Variants in SETMAR observed in about 807,000 individuals in gnomAD.
SETMAR encodes SET and mariner transposase domain methyltransferase, also known as histone-lysine N-methyltransferase SETMAR.
Under a neutral mutation model 58.4 loss-of-function variants are expected in SETMAR, and 44 were observed. The ratio of observed to expected loss-of-function variants is 0.75; its 90% CI spans 0.59 to 0.97. The LOEUF (loss-of-function observed/expected upper bound fraction) is 0.97. Among genes scored for constraint, SETMAR ranks in the 50% least tolerant of loss-of-function variants. The pLI is 0.00. For synonymous variants in SETMAR, 332 were observed against 307.4 expected (o/e 1.08, Z -0.84); for missense variants, 903 against 840.2 (o/e 1.07, Z -0.92).
chr3:4,303,551 G>T, intron 1 of SETMAR, 25 bp downstream of exon 1: 2 of 1,343,974 alleles, frequency 1.5e-6, no homozygotes, highest in Non-Finnish European at 1.9e-6. Flanking sequence ...AGGCGGCGCG[G>T]GAGGCGGGCG....
chr3:4,308,733 A>C (rs1237524106), intron 1 of SETMAR, among the ~76,000 whole-genome samples: 2 of 152,212 alleles, frequency 1.3e-5, no homozygotes, highest in Non-Finnish European at 2.9e-5. Context: ...GACCATAGTC[A>C]CAGAGTTTTC....
chr3:4,311,993 T>G (rs1449076406), intron 1 of SETMAR, among the ~76,000 whole-genome samples: 1 of 152,212 alleles, frequency 6.6e-6, no homozygotes, highest in Non-Finnish European at 1.5e-5. Flanking sequence ...ATTGTCTTCT[T>G]TTTATATAAC....
intron 1 of SETMAR, among the ~76,000 whole-genome samples, chr3:4,305,006 T>C (rs923349537): frequency 6.6e-6 from 1 of 152,032 alleles, no homozygotes; most frequent in African/African-American, 2.4e-5. Flanking sequence ...TAGATTTTAA[T>C]TTTTCTGGTT....
At chr3:4,311,050 A>G (rs1698386259) in intron 1 of SETMAR, among the ~76,000 whole-genome samples, 1 of 152,164 alleles carries the variant, frequency 6.6e-6, no homozygotes, top group African/African-American at 2.4e-5. Flanking sequence ...TATTCCTGCT[A>G]AGCTAAAGCT....
intron 2 of SETMAR, among the ~76,000 whole-genome samples, chr3:4,315,199 C>T (rs1698587492): frequency 6.6e-6 from 1 of 152,152 alleles, no homozygotes; most frequent in South Asian, 2.1e-4. Flanking sequence ...ACTTCAATGC[C>T]TCTGAAGCAG....
chr3:4,316,710 C>T lies in SETMAR; in HGVS notation c.1519C>T (p.Arg507Ter), dbSNP rs760559216. The T allele has an allele frequency of 4.6e-5, 72 of 1,550,880 alleles. No homozygotes were observed. The highest frequency in any genetic ancestry group is 7.3e-5 in the East Asian group (3 of 40,930). Reference sequence around the variant, plus strand: ...GTGGATTTTATATGACAACCGGCGACGATCAGCTCAGTGGTTGGATCAAGA... The same window carrying T: ...GTGGATTTTATATGACAACCGGCGATGATCAGCTCAGTGGTTGGATCAAGA... ...EKWILYDNRR[R>*]SAQWLDQEEA... The change falls in exon 3 of 3, where the codon CGA becomes TGA. Residue 507 changes from arginine to a stop codon, truncating the protein, a stop_gained. Transcript: ENST00000358065. LOFTEE classifies it high-confidence loss of function.
intron 1 of SETMAR, among the ~76,000 whole-genome samples, chr3:4,304,900 AGAG>A: frequency 6.6e-6 from 1 of 151,860 alleles, no homozygotes; most frequent in Non-Finnish European, 1.5e-5. Context: ...TGTTTGGGAG[AGAG>A]GAGACGTCAA....
intron 1 of SETMAR, 140 bp from the exon 2 acceptor site, chr3:4,312,758 C>G: frequency 2.7e-6 from 2 of 730,044 alleles, no homozygotes; most frequent in Non-Finnish European, 3.9e-6. Context: ...TGGACAATAT[C>G]TTAGTATGCT....
At chr3:4,304,245 G>A (rs563748135) in intron 1 of SETMAR, among the ~76,000 whole-genome samples, 35 of 152,132 alleles carry the variant, frequency 2.3e-4, no homozygotes, top group Admixed American at 9.8e-4. Context: ...GGGTTCAAGC[G>A]ATTCTCCTGC....
chr3:4,307,452 C>T (rs1698235682), intron 1 of SETMAR, among the ~76,000 whole-genome samples: 1 of 152,148 alleles, frequency 6.6e-6, no homozygotes, highest in African/African-American at 2.4e-5. Flanking sequence ...GAGAGCCCTA[C>T]AATCTGTGTC....
intron 2 of SETMAR, among the ~76,000 whole-genome samples, 166 bp from the exon 3 acceptor site, chr3:4,316,046 C>CA (rs774059331): frequency 0.014 from 1,067 of 76,306 alleles, 12 homozygotes; most frequent in East Asian, 0.054. Flanking sequence ...GACTCTGTCT[C>CA]AAAAAAAAAA....
Position 4,303,472 on chromosome 3 carries a change from G to C in SETMAR, c.102G>C (p.Gln34His), listed in dbSNP as rs1339788497. The C allele has an allele frequency of 1.3e-6, 2 of 1,522,534 alleles. No individual in the cohort carries two copies. The highest frequency in any genetic ancestry group is 1.8e-6 in the Non-Finnish European group (2 of 1,140,698). 94.3% of individuals were successfully genotyped at this position (1,522,534 alleles called of 1,614,324 possible). ...PTEQLDVACG[Q>H]ENLPVGAWPP... ...AGCAGCTGGATGTCGCGTGCGGCCA[G>C]GAAAACTTGCCGGTGGGCGCGTGGC... is the stretch of plus-strand genomic sequence containing the variant. Residue 34 changes from glutamine (Q) to histidine (H), a missense_variant, in exon 1 of 3, where the codon CAG (glutamine) becomes CAC (histidine). Gln to His is a conservative substitution (Grantham distance 24, BLOSUM62 0). Transcript: ENST00000358065.
At chr3:4,314,007 A>G in intron 2 of SETMAR, 1 of 640,882 alleles carries the variant, frequency 1.6e-6, no homozygotes, top group East Asian at 2.9e-5. Flanking sequence ...ATAGGATATA[A>G]GCAAAAATGA....
In SETMAR at chr3:4,316,934, G is replaced by C; in HGVS notation, c.1743G>C (p.Lys581Asn). Reference protein sequence around the residue: ...QRLQLALVNRKGPILLHDNAR... With the variant: ...QRLQLALVNRNGPILLHDNAR... The stretch of plus-strand genomic sequence containing the variant: ...TGCAGCTGGCATTGGTCAACAGAAA[G>C]GGCCCAATTCTTCTCCACGACAATG... Residue 581 changes from lysine to asparagine, a missense_variant, in exon 3 of 3, where the codon AAG (lysine) becomes AAC (asparagine). By Grantham distance (94) the Lys-to-Asn change is moderately conservative. Coordinates refer to ENST00000358065, the MANE Select transcript of SETMAR (RefSeq NM_006515.4). The C allele has an allele frequency of 6.5e-7, 1 of 1,549,380 alleles. No individual in the cohort carries two copies. The highest frequency in any genetic ancestry group is 8.7e-7 in the Non-Finnish European group (1 of 1,146,752).
intron 1 of SETMAR, among the ~76,000 whole-genome samples, chr3:4,306,944 G>A (rs1429659256): frequency 6.6e-6 from 1 of 152,188 alleles, no homozygotes; most frequent in Non-Finnish European, 1.5e-5. Flanking sequence ...CTAACAGTTG[G>A]ATCTAACCAT....
chr3:4,316,439 G>C lies in SETMAR; in HGVS notation c.1248G>C (p.Gln416His). 2 of 1,598,662 alleles carry C rather than the reference G, an allele frequency of 1.3e-6. No individual in the cohort carries two copies. ...GGCCATCAGAAGTTGACAACGACCA[G>C]TTGAGAGCAATCATCGAAGCTGATC... ...SGRPSEVDNDQLRAIIEADPL... is the reference protein window; with the variant it reads ...SGRPSEVDNDHLRAIIEADPL... Residue 416 changes from glutamine to histidine, a missense_variant, in exon 3 of 3, where the codon CAG becomes CAC. Physicochemically the swap from Gln to His is conservative, Grantham distance 24. Transcript: ENST00000358065.
chr3:4,313,653 G>C lies in SETMAR; in HGVS notation c.912G>C (p.Leu304=), dbSNP rs140605054. 105 of 1,614,028 alleles carry C rather than the reference G, an allele frequency of 6.5e-5. No homozygotes were observed. In the African/African-American group the frequency reaches 1.3e-3, roughly 19 times the overall value. Residue 304 remains leucine, a synonymous_variant, in exon 2 of 3, where the codon CTG becomes CTC. Coordinates refer to ENST00000358065, the MANE Select transcript of SETMAR (RefSeq NM_006515.4). ...CTAFLPFDSS[L]YCPVEKSNIS... Reference sequence around the variant, plus strand: ...CTTTCCTGCCTTTTGACAGTTCTCTGTACTGCCCCGTAGAAAAGTCGAACA... The same window carrying C: ...CTTTCCTGCCTTTTGACAGTTCTCTCTACTGCCCCGTAGAAAAGTCGAACA...
Position 4,313,221 on chromosome 3 carries a change from G to T in SETMAR, c.480G>T (p.Pro160=). The T allele has an allele frequency of 6.2e-7, 1 of 1,613,904 alleles. No homozygotes were observed. Among genetic ancestry groups the T allele is most frequent in the African/African-American group, 1.3e-5 (1 of 75,032 alleles). Residue 160 remains proline, a synonymous_variant, in exon 2 of 3, where the codon CCG becomes CCT. Coordinates refer to ENST00000358065, the MANE Select transcript of SETMAR (RefSeq NM_006515.4). ...GACTTCGTACCTTGGAATTTATACC[G>T]AAAGGAAGGTTTGTCTGTGAATATG... is the stretch of plus-strand genomic sequence containing the variant. The part of the protein sequence containing the change: ...GWGLRTLEFI[P]KGRFVCEYAG...
At chr3:4,316,098 T>G in intron 2 of SETMAR, 114 bp from the exon 3 acceptor site, 2 of 526,960 alleles carry the variant, frequency 3.8e-6, no homozygotes, top group South Asian at 2.9e-5. Context: ...TGGAATTTGG[T>G]ATTTGATATT....
Sources: gnomAD v4.1 joint callset for allele counts (sites outside exome capture counted in the v4.1 genomes callset) on GRCh38, gnomAD v4.1.1 for gene constraint, MANE v1.5 for transcripts, NCBI Gene and HGNC (gene_info 2026-07-23, HGNC 2026-07-21) for gene names.